Variants in STX5 observed in about 807,000 individuals in gnomAD.
STX5 encodes the protein syntaxin-5.
Under a neutral mutation model 42.9 loss-of-function variants are expected in STX5, and 15 were observed. The ratio of observed to expected loss-of-function variants is 0.35; its 90% confidence interval spans 0.23 to 0.54. STX5 has a LOEUF of 0.54. STX5 is among the 20% of genes least tolerant of loss of function. The probability of loss-of-function intolerance (pLI) is 0.91; values close to 1 mark genes in which losing one functional copy is unlikely to be tolerated. For synonymous variants in STX5, 184 were observed against 173.2 expected (o/e 1.06, Z -0.49); for missense variants, 430 against 455.0 (o/e 0.95, Z 0.50).
chr11:62,830,886 C>G lies in STX5; in HGVS notation c.225+133G>C, dbSNP rs915091676. On this transcript the variant is annotated intron_variant, in intron 2 of 10. Transcript: ENST00000294179. ...TCTTCTCTGTTGCTTATAGCAGACC[C>G]TACAGGCCCCATCCAAGCCTATCAG... is the stretch of plus-strand genomic sequence containing the variant. 78 of 871,856 alleles carry G rather than the reference C, an allele frequency of 8.9e-5. No homozygotes were observed. In the East Asian group the frequency reaches 2.0e-3, roughly 22 times the overall value. 54.0% of individuals were successfully genotyped at this position (871,856 alleles called of 1,614,324 possible). A position where few individuals can be genotyped will look rare whatever the true frequency, so the allele number is the denominator to read the frequency against.
At chr11:62,814,548 G>A (rs2084652558) in intron 10 of STX5, among the ~76,000 whole-genome samples, 1 of 149,616 alleles carries the variant, frequency 6.7e-6, no homozygotes, top group Non-Finnish European at 1.5e-5. Flanking sequence ...CCCAACTTCC[G>A]CCTCCCAGGT....
chr11:62,831,835 G>A (rs1246801489), intron 1 of STX5, 119 bp downstream of exon 1: 5 of 448,228 alleles, frequency 1.1e-5, no homozygotes, highest in African/African-American at 1.0e-4. Context: ...CCCGGAGCCG[G>A]GCCGGCAGGA....
At chr11:62,818,565 G>GAAA (rs1307603732) in intron 10 of STX5, among the ~76,000 whole-genome samples, 5 of 92,748 alleles carry the variant, frequency 5.4e-5, no homozygotes, top group African/African-American at 1.3e-4. Context: ...CTCTGTCTCA[G>GAAA]AAAAAAAAAA....
At chr11:62,825,161 G>T in intron 7 of STX5, 44 bp from the exon 8 acceptor site, 1 of 1,611,958 alleles carries the variant, frequency 6.2e-7, no homozygotes. Context: ...CCACTAGAAA[G>T]CAGGCATGTT....
Position 62,819,220 on chromosome 11 carries a change from GAAAAAAAAAAAAAAAAAAAA to G in STX5, c.908+4926_908+4945del, listed in dbSNP as rs57390432. Among the ~76,000 whole-genome samples the G allele has an allele frequency of 3.4e-3, 102 of 29,644 alleles. 2 individuals are homozygous for G. The highest frequency in any genetic ancestry group is 0.014 in the Admixed American group (20 of 1,458). 19.4% of individuals were successfully genotyped at this position (29,644 alleles called of 152,430 possible). On this transcript the variant is annotated intron_variant, in intron 10 of 10. Transcript: ENST00000294179. ...TGGGCAACAGAGTGAGACTCTGTCTGAAAAAAAAAAAAAAAAAAAAAAAAAAAAAAAAAAAAGAAGGTGAA... is the reference window on the plus strand; with the variant it reads ...TGGGCAACAGAGTGAGACTCTGTCTGAAAAAAAAAAAAAAAAGAAGGTGAA...
At chr11:62,826,187 G>A (rs1193910007) in intron 5 of STX5, among the ~76,000 whole-genome samples, 1 of 152,086 alleles carries the variant, frequency 6.6e-6, no homozygotes. Context: ...CCTGGGAGGT[G>A]GAGGTTGCAG....
intron 10 of STX5, among the ~76,000 whole-genome samples, chr11:62,816,723 A>G (rs1406431383): frequency 3.3e-5 from 2 of 60,438 alleles, no homozygotes; most frequent in Admixed American, 3.2e-4. Flanking sequence ...GCCTTTACTG[A>G]AAAAAAAAAA....
intron 10 of STX5, among the ~76,000 whole-genome samples, chr11:62,810,456 A>T (rs1395389270): frequency 6.6e-6 from 1 of 152,136 alleles, no homozygotes; most frequent in Non-Finnish European, 1.5e-5. Flanking sequence ...GAAAAGAAAA[A>T]AACAAATATG....
chr11:62,823,261 A>G (rs1369473100), intron 10 of STX5, among the ~76,000 whole-genome samples: 1 of 151,436 alleles, frequency 6.6e-6, no homozygotes, highest in Non-Finnish European at 1.5e-5. Flanking sequence ...TGCAGCCTCA[A>G]CCTCCCATGC....
intron 5 of STX5, 90 bp from the exon 6 acceptor site, chr11:62,825,629 A>G (rs1231994703): frequency 2.6e-6 from 3 of 1,175,638 alleles, no homozygotes; most frequent in Non-Finnish European, 3.8e-6. Context: ...TAGGAAGGAC[A>G]AGGTGGAAGT....
intron 2 of STX5, 45 bp from the exon 3 acceptor site, chr11:62,827,676 C>T (rs748184954): frequency 1.9e-6 from 3 of 1,605,640 alleles, no homozygotes; most frequent in Non-Finnish European, 2.6e-6. Flanking sequence ...TCTCCCTTCC[C>T]CAGTTCCAGC....
At chr11:62,829,764 C>T (rs1444993249) in intron 2 of STX5, among the ~76,000 whole-genome samples, 1 of 151,222 alleles carries the variant, frequency 6.6e-6, no homozygotes, top group Non-Finnish European at 1.5e-5. Context: ...GACCATGTTT[C>T]CAAAAAAGGA....
intron 2 of STX5, chr11:62,830,500 A>C (rs1448358374): frequency 8.8e-6 from 4 of 455,590 alleles, no homozygotes; most frequent in Non-Finnish European, 1.3e-5. Flanking sequence ...GTGAGCTATC[A>C]TCACACCACT....
At chr11:62,825,753 C>A (rs769255034) in intron 5 of STX5, among the ~76,000 whole-genome samples, 2 of 152,098 alleles carry the variant, frequency 1.3e-5, no homozygotes, top group African/African-American at 4.8e-5. Context: ...TACAAAGAGG[C>A]AAAATAGGCC....
At chr11:62,830,123 T>C (rs1429683592) in intron 2 of STX5, among the ~76,000 whole-genome samples, 4 of 147,544 alleles carry the variant, frequency 2.7e-5, no homozygotes, top group Non-Finnish European at 4.5e-5. Context: ...CTCAGCCTTC[T>C]AAGTAGCTGG....
chr11:62,826,124 C>T (rs1279303106), intron 5 of STX5, among the ~76,000 whole-genome samples: 3 of 152,156 alleles, frequency 2.0e-5, no homozygotes, highest in East Asian at 1.9e-4. Context: ...TGTGGTGGCG[C>T]GCGCCTATAA....
At chr11:62,831,381 G>A (rs1040335332) in intron 1 of STX5, 119 bp from the exon 2 acceptor site, 5 of 780,824 alleles carry the variant, frequency 6.4e-6, no homozygotes, top group East Asian at 2.7e-5. Flanking sequence ...TTCGCGCCCA[G>A]GACGCTCGCA....
At chr11:62,831,718 C>T (rs1459815338) in intron 1 of STX5, among the ~76,000 whole-genome samples, 1 of 132,816 alleles carries the variant, frequency 7.5e-6, no homozygotes, top group African/African-American at 2.7e-5. Context: ...GGAAGTCCCA[C>T]CCCCCGCCCA....
intron 10 of STX5, chr11:62,816,065 T>G (rs2084669988): frequency 6.6e-6 from 1 of 152,138 alleles, no homozygotes; most frequent in Non-Finnish European, 1.5e-5. Flanking sequence ...CTGAAGTGAG[T>G]ACTGGATGTG....
Sources: allele counts gnomAD v4.1 joint callset (sites outside exome capture counted in the v4.1 genomes callset), GRCh38; gene constraint gnomAD v4.1.1; transcripts MANE v1.5; gene names NCBI Gene and HGNC (gene_info 2026-07-23, HGNC 2026-07-21).